ARHGEF10: variants seen among roughly 807,000 people sequenced by gnomAD.
ARHGEF10 encodes Rho guanine nucleotide exchange factor 10, also known as Rho guanine nucleotide exchange factor (GEF) 10.
Under a neutral mutation model 147.4 loss-of-function variants are expected in ARHGEF10, and 140 were observed. That is an observed-to-expected ratio of 0.95 (90% CI 0.83 to 1.09). The LOEUF is 1.09. Among genes scored for constraint, ARHGEF10 ranks in the 50% least tolerant of loss-of-function variants. The pLI, the probability that ARHGEF10 is intolerant of heterozygous loss-of-function variation, is 0.00. For synonymous variants in ARHGEF10, 902 were observed against 695.8 expected (o/e 1.30, Z -4.67); for missense variants, 2,222 against 1,752.7 (o/e 1.27, Z -4.78).
rs1317430359 is a variant in ARHGEF10, at chr8:1,926,687, T to A, written c.2697+224T>A. On this transcript the variant is annotated intron_variant, in intron 23 of 28. Coordinates refer to ENST00000349830, the MANE Select transcript of ARHGEF10 (RefSeq NM_014629.4). ...ATATTTGTTTCTTTTCCTTTTCATC[T>A]AAAACATTTACCAGATAAAGTTGAG... 5.0e-6 allele frequency: 3 copies of A among 598,684 alleles called. No individual in the cohort carries two copies. In the East Asian group the frequency reaches 8.8e-5, roughly 18 times the overall value. The allele number at this position is 598,684 out of a possible 1,614,324, so 37.1% of individuals were successfully genotyped here.
chr8:1,836,541 G>T (rs1011367167), intron 1 of ARHGEF10, among the ~76,000 whole-genome samples: 3 of 152,184 alleles, frequency 2.0e-5, no homozygotes, highest in African/African-American at 2.4e-5. Flanking sequence ...GGCTTCAGGG[G>T]GTGGGATGTT....
chr8:1,866,036 A>T (rs778349741), intron 5 of ARHGEF10, among the ~76,000 whole-genome samples: 10 of 151,606 alleles, frequency 6.6e-5, no homozygotes, highest in Middle Eastern at 3.4e-3. Flanking sequence ...TGTGTGTGGG[A>T]CTCTGGTGGC....
rs544033474 is a variant in ARHGEF10 at position 1,896,429 on chromosome 8, G to A, written c.1537G>A (p.Ala513Thr). ...VLKKTCATKP[A>T]FLEFLKQEQE... Reference sequence around the variant, plus strand: ...CAAGAAAACATGTGCCACAAAGCCCGCTTTTCTTGAATTTTTAAAGGTAAG... The same window carrying A: ...CAAGAAAACATGTGCCACAAAGCCCACTTTTCTTGAATTTTTAAAGGTAAG... Residue 513 changes from alanine to threonine, a missense_variant, in exon 14 of 29, where the codon GCT becomes ACT. Ala to Thr is a moderately conservative substitution (Grantham distance 58). Coordinates refer to ENST00000349830, the MANE Select transcript of ARHGEF10 (RefSeq NM_014629.4). 27 of 1,613,106 alleles carry A rather than the reference G, an allele frequency of 1.7e-5. No individual in the cohort carries two copies. The highest frequency in any genetic ancestry group is 1.7e-4 in the Admixed American group (10 of 59,942).
chr8:1,914,445 C>A (rs1177840312), intron 18 of ARHGEF10, among the ~76,000 whole-genome samples: 2 of 152,234 alleles, frequency 1.3e-5, no homozygotes, highest in African/African-American at 2.4e-5. Context: ...CACTGCATGG[C>A]CTCGCCTGTA....
Position 1,864,370 on chromosome 8 carries a change from C to G in ARHGEF10, c.482-3C>G. ...CAGCATCACATATTTTCTTTCCCAG[C>G]AGAAACACCAGAAGTCACAGAAGAT... is the stretch of plus-strand genomic sequence containing the variant. On this transcript the variant is annotated splice_polypyrimidine_tract_variant and splice_region_variant and intron_variant, in intron 4 of 28. Transcript: ENST00000349830. The G allele has an allele frequency of 6.2e-7, 1 of 1,614,088 alleles. No homozygotes were observed. The highest frequency in any genetic ancestry group is 8.5e-7 in the Non-Finnish European group (1 of 1,180,000).
upstream of ARHGEF10, among the ~76,000 whole-genome samples, chr8:1,823,780 G>C (rs1327063341): frequency 6.6e-6 from 1 of 151,866 alleles, no homozygotes; most frequent in Admixed American, 6.6e-5. Flanking sequence ...GAGGGGGCGC[G>C]GGCGGCCACG....
Position 1,903,292 on chromosome 8 carries a change from G to A in ARHGEF10, c.1662G>A (p.Lys554=), listed in dbSNP as rs1325707363. The A allele has an allele frequency of 2.3e-5, 37 of 1,613,982 alleles. No individual in the cohort carries two copies. Among genetic ancestry groups the A allele is most frequent in the Non-Finnish European group, 2.6e-5 (31 of 1,180,044 alleles). The change falls in exon 16 of 29, where the codon AAG becomes AAA. Residue 554 remains lysine (K), a synonymous_variant. Coordinates refer to ENST00000349830, the MANE Select transcript of ARHGEF10 (RefSeq NM_014629.4). ...CCTGTTGCTTGTAGGACATGCTGAA[G>A]AACACCTCCAAAGGCCACCCCGACA... The part of the protein sequence containing the change: ...QFILLLQDML[K]NTSKGHPDRL...
intron 11 of ARHGEF10, among the ~76,000 whole-genome samples, chr8:1,889,157 GACGC>G (rs1415764964): frequency 8.5e-5 from 9 of 106,060 alleles, no homozygotes; most frequent in African/African-American, 3.0e-4. Context: ...GTTGTGAGGA[GACGC>G]TGAGTTGGGG....
At chr8:1,949,992 C>G (rs998277774) in intron 27 of ARHGEF10, among the ~76,000 whole-genome samples, 1 of 152,154 alleles carries the variant, frequency 6.6e-6, no homozygotes, top group East Asian at 1.9e-4. Flanking sequence ...CTTCTCCCAG[C>G]CTCCAGGGCG....
At position 1,926,331 on chromosome 8, in the gene ARHGEF10, C is replaced by A. The variant is rs188673189; in HGVS notation, c.2611-46C>A. 149 of 1,518,912 alleles carry A rather than the reference C, an allele frequency of 9.8e-5. No individual in the cohort carries two copies. The African/African-American group carries it at 1.8e-3, about 19-fold the overall frequency. The allele number at this position is 1,518,912 out of a possible 1,614,324, so 94.1% of individuals were successfully genotyped here. A position where few individuals can be genotyped will look rare whatever the true frequency, so the allele number is the denominator to read the frequency against. Reference sequence around the variant, plus strand: ...AAGACGTTATGTAGTCTAGGAGCCTCTTAGCTCTGTTTTATATGTGAGCGT... The same window carrying A: ...AAGACGTTATGTAGTCTAGGAGCCTATTAGCTCTGTTTTATATGTGAGCGT... On this transcript the variant is annotated intron_variant, in intron 22 of 28. Coordinates refer to ENST00000349830, the MANE Select transcript of ARHGEF10 (RefSeq NM_014629.4).
chr8:1,924,186 A>AGGCGGGC (rs563442265), intron 21 of ARHGEF10, among the ~76,000 whole-genome samples: 8 of 152,310 alleles, frequency 5.3e-5, no homozygotes, highest in South Asian at 2.1e-4. Context: ...CAGGTGCTCA[A>AGGCGGGC]GGCGGGCGGC....
intron 11 of ARHGEF10, 149 bp from the exon 12 acceptor site, chr8:1,893,420 C>T (rs1809710297): frequency 1.1e-5 from 7 of 645,800 alleles, no homozygotes; most frequent in South Asian, 9.1e-5. Flanking sequence ...ATGTTTTGTA[C>T]CTGTAATGTT....
intron 1 of ARHGEF10, among the ~76,000 whole-genome samples, chr8:1,827,115 G>T (rs929472591): frequency 2.0e-5 from 3 of 152,178 alleles, no homozygotes; most frequent in Non-Finnish European, 4.4e-5. Flanking sequence ...GAGGGGCAGG[G>T]TTACCTGTAA....
chr8:1,915,972 G>C lies in ARHGEF10; in HGVS notation c.2143+6502G>C, dbSNP rs78908059. The stretch of plus-strand genomic sequence containing the variant: ...ACCTTCTATTCAGGGTCACGGCCCT[G>C]TCCAGGACCTGACAGCCAGCGTCTC... On this transcript the variant is annotated intron_variant, in intron 18 of 28. Coordinates refer to ENST00000349830, the MANE Select transcript of ARHGEF10 (RefSeq NM_014629.4). 1.2e-4 allele frequency among the ~76,000 whole-genome samples: 19 copies of C among 152,336 alleles called. No individual in the cohort carries two copies. The East Asian group carries it at 2.9e-3, about 23-fold the overall frequency.
intron 23 of ARHGEF10, among the ~76,000 whole-genome samples, chr8:1,927,753 T>G (rs1027799724): frequency 6.6e-6 from 1 of 152,072 alleles, no homozygotes; most frequent in Non-Finnish European, 1.5e-5. Flanking sequence ...GTCTGTACTT[T>G]CACATAGTGA....
At chr8:1,909,558 C>G (rs547573105) in intron 18 of ARHGEF10, 88 bp downstream of exon 18, 3 of 1,549,706 alleles carry the variant, frequency 1.9e-6, no homozygotes, top group South Asian at 2.3e-5. Flanking sequence ...TAAGCTCCAC[C>G]ATCAGCAGGT....
chr8:1,897,637 G>C (rs1432814031), intron 14 of ARHGEF10, among the ~76,000 whole-genome samples: 1 of 152,216 alleles, frequency 6.6e-6, no homozygotes, highest in Admixed American at 6.5e-5. Flanking sequence ...TCGGATTGCA[G>C]TTCCCACTGT....
chr8:1,844,594 C>T (rs1015582125), intron 2 of ARHGEF10, among the ~76,000 whole-genome samples: 1 of 152,160 alleles, frequency 6.6e-6, no homozygotes, highest in Non-Finnish European at 1.5e-5. Flanking sequence ...TCCGGAGCCG[C>T]AAGACCACGG....
intron 18 of ARHGEF10, among the ~76,000 whole-genome samples, chr8:1,911,927 T>G (rs1811388476): frequency 6.6e-6 from 1 of 152,258 alleles, no homozygotes; most frequent in Non-Finnish European, 1.5e-5. Flanking sequence ...TCTTGGTTTG[T>G]CACTTCTAAA....
Sources: gnomAD v4.1 joint callset for allele counts (sites outside exome capture counted in the v4.1 genomes callset) on GRCh38, gnomAD v4.1.1 for gene constraint, MANE v1.5 for transcripts, NCBI Gene and HGNC (gene_info 2026-07-23, HGNC 2026-07-21) for gene names.